LOC400499: variants seen among roughly 807,000 people sequenced by gnomAD.
At chr16:11,389,151 G>C in the LOC400499 span, among the ~76,000 whole-genome samples, 1 of 152,130 alleles carries the variant, frequency 6.6e-6, no homozygotes, top group Admixed American at 6.6e-5. Context: ...CCCCCACCTG[G>C]AGCGCTCTTA....
the LOC400499 span, chr16:11,431,282 C>A: frequency 2.5e-6 from 1 of 398,806 alleles, no homozygotes; most frequent in Non-Finnish European, 4.4e-6. Context: ...TCAGGCAAAC[C>A]TGGGTTCCAA....
chr16:11,467,595 G>C, the LOC400499 span, among the ~76,000 whole-genome samples: 1 of 152,094 alleles, frequency 6.6e-6, no homozygotes, highest in African/African-American at 2.4e-5. Flanking sequence ...CTGAGTGACA[G>C]AGCAAGACCC....
chr16:11,487,440 T>A, the LOC400499 span: 1 of 398,568 alleles, frequency 2.5e-6, no homozygotes, highest in South Asian at 1.3e-4. Context: ...GAGTGGGGTC[T>A]GGCTATTACC....
the LOC400499 span, among the ~76,000 whole-genome samples, chr16:11,437,862 C>T: frequency 6.6e-6 from 1 of 152,168 alleles, no homozygotes; most frequent in African/African-American, 2.4e-5. Flanking sequence ...GAGCGAGACT[C>T]GGTCTCGAAA....
At chr16:11,404,911 C>T in the LOC400499 span, 1 of 398,820 alleles carries the variant, frequency 2.5e-6, no homozygotes, top group South Asian at 1.3e-4. Context: ...ACCCATGCTT[C>T]TGCCTGGGAT....
chr16:11,487,019 G>C, the LOC400499 span, among the ~76,000 whole-genome samples: 1 of 151,906 alleles, frequency 6.6e-6, no homozygotes, highest in African/African-American at 2.4e-5. Context: ...ATGGACGGAT[G>C]GACAGATGAG....
At chr16:11,449,279 AC>A in the LOC400499 span, among the ~76,000 whole-genome samples, 1 of 152,082 alleles carries the variant, frequency 6.6e-6, no homozygotes, top group African/African-American at 2.4e-5. Flanking sequence ...AGTTTTCTCT[AC>A]AGGGCCTTGA....
At chr16:11,427,320 C>A in the LOC400499 span, among the ~76,000 whole-genome samples, 1 of 141,662 alleles carries the variant, frequency 7.1e-6, no homozygotes, top group South Asian at 2.2e-4. Context: ...TGCACTCCAG[C>A]CTGGGCAACA....
chr16:11,429,728 C>A, the LOC400499 span, among the ~76,000 whole-genome samples: 3 of 151,992 alleles, frequency 2.0e-5, no homozygotes, highest in East Asian at 5.8e-4. Context: ...CCCGCCTCAG[C>A]CTCCCAAAGT....
the LOC400499 span, among the ~76,000 whole-genome samples, chr16:11,429,269 C>G: frequency 1.3e-5 from 2 of 152,110 alleles, no homozygotes; most frequent in East Asian, 1.9e-4. Context: ...AGCAGCTCCC[C>G]CCTCTTTCTC....
At chr16:11,465,877 A>G in the LOC400499 span, among the ~76,000 whole-genome samples, 2 of 151,854 alleles carry the variant, frequency 1.3e-5, no homozygotes, top group Admixed American at 6.6e-5. Flanking sequence ...AGAGGGAGGG[A>G]AAGACAGGGC....
At chr16:11,471,639 T>C in the LOC400499 span, 1 of 399,018 alleles carries the variant, frequency 2.5e-6, no homozygotes, top group Non-Finnish European at 4.4e-6. Context: ...GACGGGGCTG[T>C]TGTCTAGGGC....
the LOC400499 span, among the ~76,000 whole-genome samples, chr16:11,438,472 T>TA: frequency 9.6e-3 from 1,462 of 151,882 alleles, 31 homozygotes; most frequent in African/African-American, 0.033. Context: ...AGCAGGTGTT[T>TA]AAAAAAATGC....
the LOC400499 span, chr16:11,462,423 C>T: frequency 2.3e-6 from 3 of 1,293,078 alleles, no homozygotes; most frequent in South Asian, 7.4e-5. Flanking sequence ...CTACACCGAT[C>T]CTTACCCAAT....
the LOC400499 span, among the ~76,000 whole-genome samples, chr16:11,489,374 T>G: frequency 6.6e-6 from 1 of 152,142 alleles, no homozygotes; most frequent in African/African-American, 2.4e-5. Context: ...TTTGGGAAGA[T>G]CAGTTAAAAG....
the LOC400499 span, among the ~76,000 whole-genome samples, chr16:11,377,952 T>G: frequency 6.6e-6 from 1 of 152,242 alleles, no homozygotes; most frequent in African/African-American, 2.4e-5. Flanking sequence ...TGGTCTCTGA[T>G]TCAATCTCCT....
the LOC400499 span, among the ~76,000 whole-genome samples, chr16:11,517,060 A>T: frequency 6.6e-6 from 1 of 152,118 alleles, no homozygotes; most frequent in East Asian, 1.9e-4. Context: ...AAGGAACCTA[A>T]TTGTCATCAA....
chr16:11,403,379 A>G, the LOC400499 span, among the ~76,000 whole-genome samples: 1 of 152,236 alleles, frequency 6.6e-6, no homozygotes, highest in Non-Finnish European at 1.5e-5. Context: ...GTGGGGCTGC[A>G]GACTGTGTAG....
chr16:11,448,714 G>T, the LOC400499 span, among the ~76,000 whole-genome samples: 29 of 151,760 alleles, frequency 1.9e-4, no homozygotes, highest in Non-Finnish European at 3.1e-4. Flanking sequence ...GCAACAGAAT[G>T]AAACTGTCAA....
Sources: allele counts gnomAD v4.1 joint callset (sites outside exome capture counted in the v4.1 genomes callset), GRCh38; gene constraint gnomAD v4.1.1; transcripts MANE v1.5.